Variants in AP3D1 observed in about 807,000 individuals in gnomAD.
AP3D1 encodes adaptor related protein complex 3 subunit delta 1, also known as AP-3 complex subunit delta-1.
AP3D1 carries 51 observed loss-of-function variants against 147.6 expected under a neutral mutation model. The observed-to-expected ratio is 0.35, with a 90% CI of 0.28 to 0.44. The LOEUF (loss-of-function observed/expected upper bound fraction) is 0.44. AP3D1 is among the 20% of genes least tolerant of loss of function. AP3D1 has a pLI of 1.00. For missense variants in AP3D1, 1,421 were observed against 1,624.2 expected (o/e 0.87, Z 2.15); for synonymous variants, 760 against 663.0 (o/e 1.15, Z -2.25).
At chr19:2,152,673 C>T (rs897059172), upstream of AP3D1, among the ~76,000 whole-genome samples, 11 of 151,656 alleles carry the variant, frequency 7.3e-5, no homozygotes, top group African/African-American at 2.2e-4. Flanking sequence ...GTCAGGAGTT[C>T]GAGACTAGCC....
At chr19:2,123,974 A>C in intron 9 of AP3D1, 95 bp from the exon 10 acceptor site, 1 of 1,364,178 alleles carries the variant, frequency 7.3e-7, no homozygotes, top group Non-Finnish European at 1.0e-6. Flanking sequence ...CCTCGCCGGG[A>C]GGAGGGATGG....
chr19:2,111,508 G>T, intron 25 of AP3D1, 171 bp downstream of exon 25: 3 of 1,202,088 alleles, frequency 2.5e-6, no homozygotes, highest in Non-Finnish European at 3.5e-6. Flanking sequence ...GCCCACCACG[G>T]GGGTGCCTAA....
intron 23 of AP3D1, 81 bp downstream of exon 23, chr19:2,113,255 A>G (rs919566102): frequency 1.3e-6 from 1 of 769,606 alleles, no homozygotes; most frequent in Non-Finnish European, 2.1e-6. Context: ...GGGCCTCAGG[A>G]GACCCAGGGC....
chr19:2,114,375 T>A, intron 21 of AP3D1, 73 bp from the exon 22 acceptor site: 1 of 1,304,270 alleles, frequency 7.7e-7, no homozygotes, highest in Non-Finnish European at 1.1e-6. Flanking sequence ...ACATGCCGTG[T>A]CCAAGCATGT....
At chr19:2,138,171 G>A (rs2019126864) in intron 2 of AP3D1, among the ~76,000 whole-genome samples, 2 of 152,120 alleles carry the variant, frequency 1.3e-5, no homozygotes, top group Admixed American at 6.5e-5. Context: ...CCTTTGTCTC[G>A]TCCTCCCACG....
Position 2,110,810 on chromosome 19 carries a change from C to T in AP3D1, c.3072G>A (p.Lys1024=), listed in dbSNP as rs564181671. The change falls in exon 27 of 32, where the codon AAG becomes AAA. Residue 1024 remains lysine, a synonymous_variant. Coordinates refer to ENST00000643116, the MANE Select transcript of AP3D1 (RefSeq NM_001261826.3). ...VLENRSSSIL[K]GMELSVLDSL... ...AGTCCAGCACGCTGAGCTCCATGCC[C>T]TTGAGGATGCTGCTGCTCCTGTTCT... 2.5e-6 allele frequency: 4 copies of T among 1,613,682 alleles called. No individual in the cohort carries two copies. In the South Asian group the frequency reaches 4.4e-5, roughly 18 times the overall value.
intron 8 of AP3D1, 34 bp from the exon 9 acceptor site, chr19:2,127,235 A>G (rs768043440): frequency 1.2e-6 from 2 of 1,609,800 alleles, no homozygotes; most frequent in East Asian, 4.5e-5. Context: ...CGGCATGAGG[A>G]CTGGGGGCCT....
chr19:2,118,210 G>A (rs2018511751), intron 15 of AP3D1, among the ~76,000 whole-genome samples: 1 of 152,178 alleles, frequency 6.6e-6, no homozygotes, highest in Admixed American at 6.5e-5. Flanking sequence ...CACCTGGGAA[G>A]TGGTGGGCAC....
At chr19:2,134,624 C>T (rs1246505860) in intron 4 of AP3D1, among the ~76,000 whole-genome samples, 2 of 148,766 alleles carry the variant, frequency 1.3e-5, no homozygotes, top group Non-Finnish European at 3.0e-5. Flanking sequence ...TTTTTTGAGA[C>T]GGAGTCTCGC....
Position 2,159,000 on chromosome 19 carries a change from A to AT in AP3D1, c.-103+5355dup, listed in dbSNP as rs34091780. Among the ~76,000 whole-genome samples the AT allele has an allele frequency of 4.1e-4, 61 of 149,032 alleles. No homozygotes were observed. In the South Asian group the frequency reaches 4.5e-3, roughly 11 times the overall value. ...TTCACTGTCAACATTTTCTGTTATA[A>AT]TTTTTTTTTTTAATGGAGTCTAGAT... On this transcript the variant is annotated intron_variant, in intron 1 of 14. Transcript: ENST00000643010.
chr19:2,158,111 A>G (rs2019663288), intron 1 of AP3D1, among the ~76,000 whole-genome samples: 1 of 152,008 alleles, frequency 6.6e-6, no homozygotes, highest in Non-Finnish European at 1.5e-5. Context: ...GCTGCAGTGC[A>G]GTGGTGCGAT....
chr19:2,142,921 C>T (rs991973514), intron 1 of AP3D1, among the ~76,000 whole-genome samples: 4 of 151,666 alleles, frequency 2.6e-5, no homozygotes, highest in Non-Finnish European at 4.4e-5. Flanking sequence ...CGAGCCACCA[C>T]GCCAAGCTAA....
At chr19:2,140,825 C>G (rs1442533781) in intron 1 of AP3D1, among the ~76,000 whole-genome samples, 1 of 138,778 alleles carries the variant, frequency 7.2e-6, no homozygotes, top group Non-Finnish European at 1.5e-5. Context: ...GTGGCACAAT[C>G]TCGGCTCACT....
rs79434492 is a variant in AP3D1 at position 2,137,711 on chromosome 19, C to A, written c.273+16G>T. 1.2e-4 allele frequency: 194 copies of A among 1,612,392 alleles called. No homozygotes were observed. Among genetic ancestry groups the A allele is most frequent in the Non-Finnish European group, 1.5e-4 (181 of 1,178,920 alleles). On this transcript the variant is annotated intron_variant, in intron 3 of 31. Coordinates refer to ENST00000643116, the MANE Select transcript of AP3D1 (RefSeq NM_001261826.3). ...TCACTCCCCACCCCACCAGCCTTGC[C>A]GTCCCAGAACCTCACCTTGAAGGTG...
intron 1 of AP3D1, 151 bp from the exon 2 acceptor site, chr19:2,138,865 T>A: frequency 1.7e-6 from 1 of 571,788 alleles, no homozygotes; most frequent in Non-Finnish European, 3.2e-6. Flanking sequence ...TTTGAGATCA[T>A]CCTGGCCAAC....
At position 2,130,416 on chromosome 19, in the gene AP3D1, G is replaced by T; in HGVS notation, c.584C>A (p.Pro195His). Residue 195 changes from proline (P) to histidine (H), a missense_variant, in exon 6 of 32, where the codon CCC becomes CAC. Pro to His is a moderately conservative substitution (Grantham distance 77). Transcript: ENST00000643116. ...AACTCAAATCCACAAACCGGGGTCG[G>T]GGTCCTCCAGCTTCTCCTTCAGCCG... ...FPRLKEKLED[P>H]DPGVQSAAVN... 6.2e-7 allele frequency: 1 copy of T among 1,613,934 alleles called. No homozygotes were observed. The highest frequency in any genetic ancestry group is 1.1e-5 in the South Asian group (1 of 91,082).
Position 2,101,972 on chromosome 19 carries a change from G to A in AP3D1, c.*201C>T. On this transcript the variant is annotated 3_prime_UTR_variant, in exon 32 of 32. Coordinates refer to ENST00000643116, the MANE Select transcript of AP3D1 (RefSeq NM_001261826.3). Reference sequence around the variant, plus strand: ...AAGGGGACTTCTTGCCAAAGAGAATGGGAAGAGTCACAGTAAAAAAGGATG... The same window carrying A: ...AAGGGGACTTCTTGCCAAAGAGAATAGGAAGAGTCACAGTAAAAAAGGATG... 1 of 560,796 alleles carries A rather than the reference G, an allele frequency of 1.8e-6. No individual in the cohort carries two copies. The highest frequency in any genetic ancestry group is 1.9e-5 in the African/African-American group (1 of 51,702). The allele number at this position is 560,796 out of a possible 1,614,324, so 34.7% of individuals were successfully genotyped here. A position where few individuals can be genotyped will look rare whatever the true frequency, so the allele number is the denominator to read the frequency against.
chr19:2,129,471 G>A lies in AP3D1; in HGVS notation c.593-14C>T, dbSNP rs773425196. On this transcript the variant is annotated splice_polypyrimidine_tract_variant and intron_variant, in intron 6 of 31. Coordinates refer to ENST00000643116, the MANE Select transcript of AP3D1 (RefSeq NM_001261826.3). ...CCGACTGAACCCCTGGGGAACAAGG[G>A]GTTCTCATCAGCATGCCTGTCCTTC... 2.5e-6 allele frequency: 4 copies of A among 1,610,822 alleles called. No homozygotes were observed. The South Asian group carries it at 4.4e-5, about 18-fold the overall frequency.
chr19:2,162,614 A>G (rs1161680890), intron 1 of AP3D1, among the ~76,000 whole-genome samples: 1 of 151,432 alleles, frequency 6.6e-6, no homozygotes, highest in Non-Finnish European at 1.5e-5. Context: ...GTGACCCGAG[A>G]TCGTGCCACT....
Sources: gnomAD v4.1 joint callset for allele counts (sites outside exome capture counted in the v4.1 genomes callset) on GRCh38, gnomAD v4.1.1 for gene constraint, MANE v1.5 for transcripts, NCBI Gene and HGNC (gene_info 2026-07-23, HGNC 2026-07-21) for gene names.